WWC1: variants seen among roughly 807,000 people sequenced by gnomAD.
WWC1 encodes WW and C2 domain containing 1, also known as protein KIBRA.
Under a neutral mutation model 138.4 loss-of-function variants are expected in WWC1, and 55 were observed. The ratio of observed to expected loss-of-function variants is 0.40; its 90% CI spans 0.32 to 0.50. WWC1 has a LOEUF of 0.50. WWC1 is among the 20% of genes least tolerant of loss of function. The pLI, the probability that WWC1 is intolerant of heterozygous loss-of-function variation, is 0.72. For missense variants in WWC1, 1,226 were observed against 1,420.4 expected (o/e 0.86, Z 2.20); for synonymous variants, 524 against 564.9 (o/e 0.93, Z 1.03).
At chr5:168,338,560 C>T (rs1471728481) in intron 1 of WWC1, among the ~76,000 whole-genome samples, 2 of 151,656 alleles carry the variant, frequency 1.3e-5, no homozygotes, top group Non-Finnish European at 2.9e-5. Flanking sequence ...TACAGGCATG[C>T]ACCACCACGC....
intron 1 of WWC1, among the ~76,000 whole-genome samples, chr5:168,302,783 G>A (rs909358604): frequency 9.9e-5 from 15 of 152,280 alleles, no homozygotes; most frequent in African/African-American, 3.1e-4. Flanking sequence ...AATATTTGTT[G>A]GATAGTGTAC....
chr5:168,350,022 C>T (rs1052215611), intron 1 of WWC1, among the ~76,000 whole-genome samples: 2 of 152,140 alleles, frequency 1.3e-5, no homozygotes, highest in Non-Finnish European at 2.9e-5. Context: ...CAGGTCATTC[C>T]TCTGAGATCT....
chr5:168,317,579 G>C (rs765870592), intron 1 of WWC1, among the ~76,000 whole-genome samples: 1 of 152,108 alleles, frequency 6.6e-6, no homozygotes, highest in African/African-American at 2.4e-5. Context: ...CCCCACCAAG[G>C]CATCCTGTCC....
Position 168,444,593 on chromosome 5 carries a change from A to G in WWC1, c.2525+8A>G, listed in dbSNP as rs1009689959. On this transcript the variant is annotated splice_region_variant and intron_variant, in intron 17 of 22. Coordinates refer to ENST00000265293, the MANE Select transcript of WWC1 (RefSeq NM_015238.3). ...GACACTGGAAGACAGCTGGTGAGTG[A>G]GCCCGCCCTTGGGCCCCAGGAGCTG... is the stretch of plus-strand genomic sequence containing the variant. The G allele has an allele frequency of 3.1e-6, 5 of 1,613,222 alleles. No homozygotes were observed. Among genetic ancestry groups the G allele is most frequent in the Non-Finnish European group, 4.2e-6 (5 of 1,179,878 alleles).
At chr5:168,389,058 C>T (rs1426275268) in intron 3 of WWC1, among the ~76,000 whole-genome samples, 1 of 152,070 alleles carries the variant, frequency 6.6e-6, no homozygotes, top group Non-Finnish European at 1.5e-5. Flanking sequence ...TATTGAGATT[C>T]ATTACATTAT....
chr5:168,362,351 T>C (rs1479014856), intron 1 of WWC1, among the ~76,000 whole-genome samples: 1 of 152,222 alleles, frequency 6.6e-6, no homozygotes, highest in Non-Finnish European at 1.5e-5. Context: ...ATGTGACAAC[T>C]GAGCCACATA....
At chr5:168,408,871 C>T (rs1028241186) in intron 7 of WWC1, among the ~76,000 whole-genome samples, 9 of 152,264 alleles carry the variant, frequency 5.9e-5, no homozygotes, top group African/African-American at 9.6e-5. Flanking sequence ...CCTGCACTGA[C>T]GGACGTCATG....
Position 168,307,036 on chromosome 5 carries a change from C to G in WWC1, c.119+14765C>G, listed in dbSNP as rs1008297919. On this transcript the variant is annotated intron_variant, in intron 1 of 22. Coordinates refer to ENST00000265293, the MANE Select transcript of WWC1 (RefSeq NM_015238.3). ...TTGCAGACACTACCACCATATAGATCGCAGCCTGTGGACAGGAACTAATAA... is the reference window on the plus strand; with the variant it reads ...TTGCAGACACTACCACCATATAGATGGCAGCCTGTGGACAGGAACTAATAA... Among the ~76,000 whole-genome samples the G allele has an allele frequency of 2.0e-5, 3 of 152,214 alleles. No homozygotes were observed. In the East Asian group the frequency reaches 5.8e-4, roughly 29 times the overall value.
chr5:168,292,088 T>A lies in WWC1; in HGVS notation c.-65T>A. 6.9e-7 allele frequency: 1 copy of A among 1,448,106 alleles called. No individual in the cohort carries two copies. The highest frequency in any genetic ancestry group is 9.1e-7 in the Non-Finnish European group (1 of 1,103,912). The allele number at this position is 1,448,106 out of a possible 1,614,324, so 89.7% of individuals were successfully genotyped here. On this transcript the variant is annotated 5_prime_UTR_variant, in exon 1 of 23. Transcript: ENST00000265293. The surrounding 1 kb of genome is among the most constrained non-coding windows in gnomAD (Gnocchi z 4.4). Reference sequence around the variant, plus strand: ...GCCGCCCGGGCTAAGAGCGGCCGGCTGGAGCCGCTGAGCCCCCGCTGCGGC... The same window carrying A: ...GCCGCCCGGGCTAAGAGCGGCCGGCAGGAGCCGCTGAGCCCCCGCTGCGGC...
intron 1 of WWC1, among the ~76,000 whole-genome samples, chr5:168,306,415 T>G (rs1770571921): frequency 6.6e-6 from 1 of 152,090 alleles, no homozygotes; most frequent in Admixed American, 6.6e-5. Flanking sequence ...AAATAAATAT[T>G]TGGGGGAATG....
chr5:168,444,410 C>A, intron 16 of WWC1, 84 bp from the exon 17 acceptor site: 1 of 1,357,142 alleles, frequency 7.4e-7, no homozygotes, highest in Non-Finnish European at 1.0e-6. Context: ...CTGGGAGGGT[C>A]ACAGCTCTGA....
At chr5:168,407,674 C>T (rs1032369376) in intron 6 of WWC1, among the ~76,000 whole-genome samples, 2 of 152,124 alleles carry the variant, frequency 1.3e-5, no homozygotes, top group African/African-American at 2.4e-5. Flanking sequence ...TTGCCTCGGT[C>T]AATTGCCAGC....
intron 5 of WWC1, among the ~76,000 whole-genome samples, chr5:168,403,077 T>TCTTTCTTTCTCTCTTTCTTTCTTTCTTC (rs1561712560): frequency 3.5e-4 from 48 of 135,774 alleles, no homozygotes; most frequent in Admixed American, 5.9e-4. Flanking sequence ...TTTCTTTCTT[T>TCTTTCTTTCTCTCTTTCTTTCTTTCTTC]CTTTTCTTTC....
intron 1 of WWC1, among the ~76,000 whole-genome samples, chr5:168,327,358 G>A (rs1157187694): frequency 6.6e-6 from 1 of 152,130 alleles, no homozygotes; most frequent in African/African-American, 2.4e-5. Flanking sequence ...ATGCTGACTC[G>A]CTCGGATAGT....
At chr5:168,375,150 G>T (rs1473801121) in intron 2 of WWC1, among the ~76,000 whole-genome samples, 1 of 152,078 alleles carries the variant, frequency 6.6e-6, no homozygotes, top group Non-Finnish European at 1.5e-5. Context: ...AAGTATTTGA[G>T]AGTTGCTGGC....
chr5:168,426,133 C>T (rs1473435480), intron 11 of WWC1, among the ~76,000 whole-genome samples: 1 of 152,154 alleles, frequency 6.6e-6, no homozygotes, highest in Non-Finnish European at 1.5e-5. Context: ...TAACGAAAGG[C>T]TTTGAGTGCC....
chr5:168,399,097 G>A (rs1025489539), intron 4 of WWC1, among the ~76,000 whole-genome samples: 6 of 152,164 alleles, frequency 3.9e-5, no homozygotes, highest in African/African-American at 1.4e-4. Context: ...GTGATCCATG[G>A]CTCTGGAAAT....
intron 11 of WWC1, among the ~76,000 whole-genome samples, chr5:168,427,022 G>A (rs1228023094): frequency 2.0e-5 from 3 of 152,342 alleles, no homozygotes; most frequent in Non-Finnish European, 4.4e-5. Flanking sequence ...ACTTTCAAGG[G>A]CCCCTGTTAA....
At chr5:168,330,243 T>C (rs1395289913) in intron 1 of WWC1, among the ~76,000 whole-genome samples, 1 of 152,074 alleles carries the variant, frequency 6.6e-6, no homozygotes, top group African/African-American at 2.4e-5. Flanking sequence ...GACAGGAGGG[T>C]CTCGGCAATC....
Sources: gnomAD v4.1 joint callset for allele counts (sites outside exome capture counted in the v4.1 genomes callset) on GRCh38, gnomAD v4.1.1 for gene constraint, Gnocchi (gnomAD v3.1) non-coding constraint, MANE v1.5 for transcripts, NCBI Gene and HGNC (gene_info 2026-07-23, HGNC 2026-07-21) for gene names.